Variants in PHF14 observed in about 807,000 individuals in gnomAD.
PHF14 encodes the protein PHD finger protein 14.
A neutral mutation model predicts 117.9 loss-of-function variants in PHF14; 55 were observed. The ratio of observed to expected loss-of-function variants is 0.47; its 90% CI spans 0.38 to 0.58. The LOEUF (loss-of-function observed/expected upper bound fraction) is 0.58. PHF14 is among the 20% of genes least tolerant of loss of function. The pLI, the probability that PHF14 is intolerant of heterozygous loss-of-function variation, is 0.00. For synonymous variants in PHF14, 409 were observed against 368.6 expected (o/e 1.11, Z -1.26); for missense variants, 978 against 1,122.2 (o/e 0.87, Z 1.84).
intron 16 of PHF14, chr7:11,062,572 G>A (rs551552994): frequency 4.2e-4 from 166 of 395,464 alleles, no homozygotes; most frequent in African/African-American, 2.8e-3. Context: ...TCTCCCTTAC[G>A]AAATAAAGAA....
intron 17 of PHF14, among the ~76,000 whole-genome samples, chr7:11,148,080 G>T (rs943650148): frequency 1.3e-5 from 2 of 151,760 alleles, no homozygotes; most frequent in African/African-American, 2.4e-5. Context: ...ACTTCTTTCC[G>T]TTCTGACTAC....
At chr7:11,044,018 A>T (rs1784583156) in intron 13 of PHF14, among the ~76,000 whole-genome samples, 1 of 151,902 alleles carries the variant, frequency 6.6e-6, no homozygotes, top group Non-Finnish European at 1.5e-5. Context: ...AAAAAGGGAA[A>T]TCATGTTCTT....
At chr7:11,006,361 C>T in intron 4 of PHF14, 1 of 463,128 alleles carries the variant, frequency 2.2e-6, no homozygotes, top group African/African-American at 2.0e-5. Flanking sequence ...CTGGTGAAAA[C>T]ATACACATAT....
chr7:11,028,970 G>T (rs1401148363), intron 7 of PHF14, among the ~76,000 whole-genome samples, 152 bp downstream of exon 7: 1 of 152,142 alleles, frequency 6.6e-6, no homozygotes, highest in African/African-American at 2.4e-5. Flanking sequence ...AAGAGTAAAT[G>T]CCTATGAGTT....
intron 16 of PHF14, among the ~76,000 whole-genome samples, chr7:11,071,855 C>G (rs1302419997): frequency 3.3e-5 from 5 of 152,182 alleles, no homozygotes; most frequent in Non-Finnish European, 7.4e-5. Flanking sequence ...GAAAAAATTA[C>G]ACCATTTTAT....
intron 5 of PHF14, among the ~76,000 whole-genome samples, chr7:11,021,781 T>A (rs1311870496): frequency 6.6e-6 from 1 of 152,088 alleles, no homozygotes; most frequent in Non-Finnish European, 1.5e-5. Context: ...AACCTTGGCT[T>A]TTTTCCCCAA....
intron 17 of PHF14, among the ~76,000 whole-genome samples, chr7:11,161,316 G>C (rs544389803): frequency 5.9e-5 from 9 of 152,248 alleles, no homozygotes; most frequent in East Asian, 3.9e-4. Context: ...TGTCCAGTGA[G>C]AAGGATAAAC....
intron 16 of PHF14, among the ~76,000 whole-genome samples, chr7:11,083,808 A>G (rs780652624): frequency 7.9e-5 from 12 of 152,122 alleles, no homozygotes; most frequent in Non-Finnish European, 1.2e-4. Flanking sequence ...GGATAGAATC[A>G]CTTAGTAAGA....
chr7:11,044,274 C>T (rs1048522013), intron 13 of PHF14, among the ~76,000 whole-genome samples: 4 of 151,610 alleles, frequency 2.6e-5, no homozygotes, highest in Non-Finnish European at 5.9e-5. Flanking sequence ...TGCAGTATAC[C>T]CATGTAACAA....
At chr7:11,152,676 C>T (rs955846609) in intron 17 of PHF14, among the ~76,000 whole-genome samples, 3 of 152,186 alleles carry the variant, frequency 2.0e-5, no homozygotes, top group East Asian at 1.9e-4. Flanking sequence ...AATCTGCTGT[C>T]GTGGAGCATG....
chr7:11,071,254 T>C (rs750525659), intron 16 of PHF14: 1 of 518,726 alleles, frequency 1.9e-6, no homozygotes, highest in African/African-American at 1.9e-5. Flanking sequence ...AAAGACTATA[T>C]ATTCCATGTT....
At chr7:11,005,692 T>G (rs1488206764) in intron 4 of PHF14, among the ~76,000 whole-genome samples, 1 of 152,192 alleles carries the variant, frequency 6.6e-6, no homozygotes, top group East Asian at 1.9e-4. Flanking sequence ...TATTTTTTTG[T>G]TTCAAGTTTT....
chr7:11,158,511 A>T, intron 17 of PHF14, among the ~76,000 whole-genome samples: 1 of 152,130 alleles, frequency 6.6e-6, no homozygotes, highest in Admixed American at 6.5e-5. Context: ...AGCTTTCTCC[A>T]CTATGAAGCT....
chr7:11,114,649 A>G (rs74591356), intron 17 of PHF14, among the ~76,000 whole-genome samples: 3,657 of 152,226 alleles, frequency 0.024, 62 homozygotes, highest in Non-Finnish European at 0.04. Flanking sequence ...TGTCTCATCA[A>G]CTCTTCATAA....
At chr7:11,001,394 A>T (rs1435129258) in intron 4 of PHF14, among the ~76,000 whole-genome samples, 2 of 151,894 alleles carry the variant, frequency 1.3e-5, no homozygotes, top group Non-Finnish European at 2.9e-5. Flanking sequence ...TTGCCTCTCC[A>T]TGTAAACTTT....
At chr7:11,162,949 A>G (rs945538478) in intron 17 of PHF14, among the ~76,000 whole-genome samples, 1 of 152,238 alleles carries the variant, frequency 6.6e-6, no homozygotes, top group African/African-American at 2.4e-5. Flanking sequence ...AATTGGAGAG[A>G]GAAGTGATTG....
chr7:11,158,542 A>G (rs543300709), intron 17 of PHF14, among the ~76,000 whole-genome samples: 2 of 152,230 alleles, frequency 1.3e-5, no homozygotes, highest in Admixed American at 1.3e-4. Context: ...TTTTGCTTTA[A>G]CAAAGTAGTT....
chr7:11,166,153 A>G (rs551216941), intron 17 of PHF14, among the ~76,000 whole-genome samples: 2 of 152,310 alleles, frequency 1.3e-5, no homozygotes, highest in South Asian at 4.1e-4. Flanking sequence ...TTAAACATTA[A>G]GAGGTAAGCC....
At chr7:11,005,849 A>C (rs1783066287) in intron 4 of PHF14, among the ~76,000 whole-genome samples, 1 of 146,794 alleles carries the variant, frequency 6.8e-6, no homozygotes, top group Non-Finnish European at 1.5e-5. Flanking sequence ...CTACAGTGCA[A>C]AGGTGAGATC....
Sources: gnomAD v4.1 joint callset for allele counts (sites outside exome capture counted in the v4.1 genomes callset) on GRCh38, gnomAD v4.1.1 for gene constraint, MANE v1.5 for transcripts, NCBI Gene and HGNC (gene_info 2026-07-23, HGNC 2026-07-21) for gene names.